Variants in PLEKHS1 observed in about 807,000 individuals in gnomAD.
PLEKHS1 encodes pleckstrin homology domain containing S1.
PLEKHS1 carries 55 observed loss-of-function variants against 51.0 expected under a neutral mutation model. The observed-to-expected ratio is 1.08, with a 90% CI of 0.87 to 1.35. The LOEUF (loss-of-function observed/expected upper bound fraction) is 1.35, where lower values mean the gene tolerates loss of function less well. Ranked by LOEUF, PLEKHS1 falls within the 40% of genes most tolerant of loss-of-function variation. The pLI, the probability that PLEKHS1 is intolerant of heterozygous loss-of-function variation, is 0.00. For synonymous variants in PLEKHS1, 153 were observed against 144.8 expected (o/e 1.06, Z -0.41); for missense variants, 398 against 423.0 (o/e 0.94, Z 0.52).
intron 2 of PLEKHS1, among the ~76,000 whole-genome samples, chr10:113,757,404 G>T (rs1343922114): frequency 3.3e-5 from 5 of 152,186 alleles, no homozygotes; most frequent in Non-Finnish European, 7.3e-5. Flanking sequence ...CTAGTCACAT[G>T]AATTTATTGG....
At chr10:113,763,652 G>A (rs554476730) in intron 2 of PLEKHS1, among the ~76,000 whole-genome samples, 1 of 152,078 alleles carries the variant, frequency 6.6e-6, no homozygotes, top group East Asian at 1.9e-4. Context: ...ACACATCACA[G>A]TCTAACTTCA....
chr10:113,759,601 C>A (rs1275991758), intron 2 of PLEKHS1, among the ~76,000 whole-genome samples: 1 of 151,772 alleles, frequency 6.6e-6, no homozygotes, highest in Non-Finnish European at 1.5e-5. Flanking sequence ...GTATTGAGTG[C>A]ACCAATAGTG....
chr10:113,755,219 G>C, intron 1 of PLEKHS1, 40 bp from the exon 2 acceptor site: 2 of 1,567,574 alleles, frequency 1.3e-6, no homozygotes, highest in Non-Finnish European at 1.7e-6. Context: ...AACACACGTA[G>C]TGTTGTTTGG....
intron 7 of PLEKHS1, among the ~76,000 whole-genome samples, chr10:113,770,814 C>T (rs150052981): frequency 4.6e-5 from 7 of 152,284 alleles, no homozygotes; most frequent in African/African-American, 1.7e-4. Flanking sequence ...TTATTGGTCA[C>T]TTTGCCTTTT....
chr10:113,777,857 G>A (rs1844744916), intron 11 of PLEKHS1: 1 of 1,181,966 alleles, frequency 8.5e-7, no homozygotes, highest in Non-Finnish European at 1.1e-6. Flanking sequence ...GGGCACGGTG[G>A]CTTACACCTG....
intron 2 of PLEKHS1, among the ~76,000 whole-genome samples, chr10:113,762,950 A>C (rs937452892): frequency 2.0e-5 from 3 of 152,112 alleles, no homozygotes; most frequent in African/African-American, 7.2e-5. Flanking sequence ...GAAAACTCTT[A>C]GCAAACTTAT....
exon 12 of PLEKHS1, chr10:113,782,184 A>G (rs1006440147): frequency 6.6e-6 from 1 of 152,194 alleles, no homozygotes; most frequent in Non-Finnish European, 1.5e-5. Context: ...ACCATGCTTC[A>G]CATGGAAAAA....
At chr10:113,773,671 T>C (rs1203288487) in intron 8 of PLEKHS1, among the ~76,000 whole-genome samples, 1 of 152,142 alleles carries the variant, frequency 6.6e-6, no homozygotes, top group African/African-American at 2.4e-5. Context: ...AAGGTTTCCA[T>C]CATGGGTTAA....
intron 2 of PLEKHS1, 43 bp from the exon 3 acceptor site, chr10:113,766,368 G>C: frequency 7.9e-7 from 1 of 1,268,404 alleles, no homozygotes; most frequent in East Asian, 2.3e-5. Context: ...GTTCTTTTCA[G>C]AAATTTATGA....
chr10:113,772,391 A>C (rs1844454905), intron 8 of PLEKHS1, among the ~76,000 whole-genome samples: 1 of 152,196 alleles, frequency 6.6e-6, no homozygotes, highest in South Asian at 2.1e-4. Flanking sequence ...TAGGCCATAC[A>C]TGATGAGTAA....
In PLEKHS1 at chr10:113,767,487, A is replaced by G; in HGVS notation, c.359+8A>G. 1.2e-6 allele frequency: 2 copies of G among 1,600,306 alleles called. No individual in the cohort carries two copies. The highest frequency in any genetic ancestry group is 1.7e-6 in the Non-Finnish European group (2 of 1,175,564). On this transcript the variant is annotated splice_region_variant and intron_variant, in intron 5 of 11. Coordinates refer to ENST00000361048, the Ensembl canonical transcript of PLEKHS1. ...CCTCATTGGCCACGACAGGTGAGAG[A>G]AGTAAGATAACACAGAATATCTACT...
chr10:113,783,121 GC>G (rs1844902924), downstream of PLEKHS1: 1 of 151,962 alleles, frequency 6.6e-6, no homozygotes, highest in African/African-American at 2.4e-5. Flanking sequence ...TGCAATCCCA[GC>G]TACTTGAGAG....
At chr10:113,775,766 A>C in exon 11 of PLEKHS1, 2 of 1,609,410 alleles carry the variant, frequency 1.2e-6, no homozygotes, top group South Asian at 1.1e-5. Flanking sequence ...TGTTCATAGT[A>C]ATATCCCCGA....
intron 1 of PLEKHS1, among the ~76,000 whole-genome samples, chr10:113,754,835 A>T (rs1854027073): frequency 6.6e-6 from 1 of 152,160 alleles, no homozygotes; most frequent in Non-Finnish European, 1.5e-5. Context: ...GGCATGGAGA[A>T]AGGCTTATCT....
chr10:113,764,983 A>T (rs1022732123), intron 2 of PLEKHS1: 1 of 161,504 alleles, frequency 6.2e-6, no homozygotes, highest in African/African-American at 2.4e-5. Flanking sequence ...TTGAAAATAT[A>T]GTGATAATAA....
intron 8 of PLEKHS1, among the ~76,000 whole-genome samples, chr10:113,773,841 G>A (rs1456264686): frequency 6.6e-6 from 1 of 152,176 alleles, no homozygotes; most frequent in Non-Finnish European, 1.5e-5. Flanking sequence ...ATAGTAACCT[G>A]AGACCAGCTT....
intron 2 of PLEKHS1, among the ~76,000 whole-genome samples, chr10:113,761,350 T>C (rs977520007): frequency 6.6e-6 from 1 of 152,288 alleles, no homozygotes; most frequent in East Asian, 1.9e-4. Flanking sequence ...GAGATTGCAT[T>C]GAATTTATAG....
At chr10:113,755,474 C>G (rs113287812) in intron 2 of PLEKHS1, 169 bp downstream of exon 2, 8 of 1,260,292 alleles carry the variant, frequency 6.3e-6, no homozygotes, top group Non-Finnish European at 8.1e-6. Context: ...TACAGTGGCA[C>G]GATCTAAGCT....
intron 11 of PLEKHS1, among the ~76,000 whole-genome samples, chr10:113,778,640 TTTC>T (rs1844769942): frequency 2.0e-5 from 2 of 100,932 alleles, no homozygotes; most frequent in African/African-American, 5.6e-5. Flanking sequence ...ATTCGTTCAC[TTTC>T]TTTTTTTTTT....
Sources: gnomAD v4.1 joint callset for allele counts (sites outside exome capture counted in the v4.1 genomes callset) on GRCh38, gnomAD v4.1.1 for gene constraint, MANE v1.5 for transcripts, NCBI Gene and HGNC (gene_info 2026-07-23, HGNC 2026-07-21) for gene names.